ZNF680: variants seen among roughly 807,000 people sequenced by gnomAD.
ZNF680 encodes the protein hypothetical protein FLJ90430.
In ZNF680, 6 loss-of-function variants were observed where a neutral mutation model predicts 12.1. The observed-to-expected ratio is 0.49, with a 90% confidence interval of 0.27 to 0.98. The LOEUF (loss-of-function observed/expected upper bound fraction) is 0.98. ZNF680 is among the 50% of genes least tolerant of loss of function. The pLI is 0.12. For synonymous variants in ZNF680, 170 were observed against 199.3 expected (o/e 0.85, Z 1.24); for missense variants, 561 against 616.3 (o/e 0.91, Z 0.95).
At chr7:64,547,627 G>A in intron 1 of ZNF680, among the ~76,000 whole-genome samples, 1 of 151,970 alleles carries the variant, frequency 6.6e-6, no homozygotes, top group African/African-American at 2.4e-5. Context: ...CTCTGTCATT[G>A]ATTTTTTCTT....
chr7:64,517,424 A>G (rs570704294), downstream of ZNF680, among the ~76,000 whole-genome samples: 13 of 152,256 alleles, frequency 8.5e-5, no homozygotes, highest in African/African-American at 2.6e-4. Context: ...GAACAGACCA[A>G]TAACAAGCAG....
intron 3 of ZNF680, among the ~76,000 whole-genome samples, chr7:64,537,752 C>G (rs560121124): frequency 6.8e-6 from 1 of 147,096 alleles, no homozygotes; most frequent in East Asian, 1.9e-4. Flanking sequence ...ACAGTGAAAC[C>G]CTGTCTCTAC....
At chr7:64,501,042 A>G in the ZNF680 span, 1 of 737,516 alleles carries the variant, frequency 1.4e-6, no homozygotes, top group Non-Finnish European at 2.4e-6. Context: ...AGAAGGGCAG[A>G]ATAATTGCTG....
At chr7:64,553,380 G>A (rs1376076001) in intron 1 of ZNF680, among the ~76,000 whole-genome samples, 1 of 152,112 alleles carries the variant, frequency 6.6e-6, no homozygotes, top group African/African-American at 2.4e-5. Context: ...AGCCTTAATA[G>A]CCTTCCTTAT....
the ZNF680 span, among the ~76,000 whole-genome samples, chr7:64,507,787 G>C: frequency 0.026 from 3,827 of 150,004 alleles, 104 homozygotes; most frequent in African/African-American, 0.056. Flanking sequence ...AATTGGGCCA[G>C]AGAAAAAAGT....
chr7:64,527,258 T>C (rs766530549), intron 3 of ZNF680, among the ~76,000 whole-genome samples: 4 of 151,050 alleles, frequency 2.6e-5, no homozygotes, highest in Non-Finnish European at 4.4e-5. Flanking sequence ...AATAAATAAA[T>C]AAACAAACAA....
At chr7:64,552,521 G>C (rs1234016078) in intron 1 of ZNF680, among the ~76,000 whole-genome samples, 1 of 151,916 alleles carries the variant, frequency 6.6e-6, no homozygotes, top group African/African-American at 2.4e-5. Flanking sequence ...TGAAATGAAA[G>C]ACACTAAACT....
At chr7:64,541,138 AGTTAT>A (rs957522135) in intron 3 of ZNF680, among the ~76,000 whole-genome samples, 1 of 151,424 alleles carries the variant, frequency 6.6e-6, no homozygotes, top group Non-Finnish European at 1.5e-5. Flanking sequence ...TTTAGAAATT[AGTTAT>A]GTTGTTATTT....
chr7:64,528,919 T>C (rs906501527), intron 3 of ZNF680, among the ~76,000 whole-genome samples: 4 of 151,980 alleles, frequency 2.6e-5, no homozygotes, highest in Admixed American at 6.6e-5. Flanking sequence ...GAAGAGTCCA[T>C]TTCACCCCCG....
chr7:64,527,820 C>T (rs1791951175), intron 3 of ZNF680, among the ~76,000 whole-genome samples: 1 of 152,148 alleles, frequency 6.6e-6, no homozygotes, highest in Non-Finnish European at 1.5e-5. Context: ...GACTGCAGCT[C>T]CAACTCAGGC....
chr7:64,511,980 C>A, the ZNF680 span, among the ~76,000 whole-genome samples: 27 of 150,892 alleles, frequency 1.8e-4, no homozygotes, highest in African/African-American at 6.3e-4. Context: ...AATCACTTGA[C>A]CCTGGGAGGC....
intron 3 of ZNF680, among the ~76,000 whole-genome samples, chr7:64,531,404 G>T (rs1052336710): frequency 6.6e-6 from 1 of 151,970 alleles, no homozygotes; most frequent in African/African-American, 2.4e-5. Context: ...GACCACCCTG[G>T]CTAACATGGG....
intron 3 of ZNF680, chr7:64,524,923 TG>T (rs1214821977): frequency 2.0e-5 from 3 of 151,880 alleles, no homozygotes; most frequent in Non-Finnish European, 4.4e-5. Context: ...CTCTTGAGCA[TG>T]CTTGTTGAAA....
chr7:64,547,593 C>G (rs539505154), intron 1 of ZNF680, among the ~76,000 whole-genome samples: 1 of 152,016 alleles, frequency 6.6e-6, no homozygotes, highest in South Asian at 2.1e-4. Context: ...GATAAAGAGC[C>G]CAGGATTTTT....
chr7:64,537,651 G>A (rs1189446065), intron 3 of ZNF680, among the ~76,000 whole-genome samples: 3 of 152,330 alleles, frequency 2.0e-5, no homozygotes, highest in South Asian at 2.1e-4. Context: ...TAGACGGCCA[G>A]GTGCGCTGGC....
downstream of ZNF680, among the ~76,000 whole-genome samples, chr7:64,515,000 G>C (rs149784827): frequency 6.6e-6 from 1 of 151,746 alleles, no homozygotes; most frequent in African/African-American, 2.4e-5. Flanking sequence ...CCAAGATCGC[G>C]CCATTGCACT....
At chr7:64,560,473 A>G (rs1787673441) in intron 1 of ZNF680, among the ~76,000 whole-genome samples, 1 of 152,140 alleles carries the variant, frequency 6.6e-6, no homozygotes, top group South Asian at 2.1e-4. Flanking sequence ...TTTTTTCCCT[A>G]GATAGCTAGC....
chr7:64,510,023 T>TAAAAAAA, the ZNF680 span, among the ~76,000 whole-genome samples: 3 of 105,902 alleles, frequency 2.8e-5, no homozygotes, highest in African/African-American at 7.7e-5. Context: ...CGTAAAACTC[T>TAAAAAAA]AAAAAAAAAA....
intron 3 of ZNF680, among the ~76,000 whole-genome samples, chr7:64,523,445 C>A (rs1791653122): frequency 6.6e-6 from 1 of 151,742 alleles, no homozygotes; most frequent in African/African-American, 2.4e-5. Flanking sequence ...ATACAAAAAT[C>A]AACAAGACAC....
Sources: allele counts gnomAD v4.1 joint callset (sites outside exome capture counted in the v4.1 genomes callset), GRCh38; gene constraint gnomAD v4.1.1; transcripts MANE v1.5; gene names NCBI Gene and HGNC (gene_info 2026-07-23, HGNC 2026-07-21).